OPHN1: variants seen among roughly 807,000 people sequenced by gnomAD.
The protein encoded by OPHN1 is oligophrenin-1.
OPHN1 carries 11 observed loss-of-function variants against 60.7 expected under a neutral mutation model. The ratio of observed to expected loss-of-function variants is 0.18; its 90% confidence interval spans 0.11 to 0.30. The LOEUF is 0.30. Among genes scored for constraint, OPHN1 ranks in the 10% least tolerant of loss-of-function variants. OPHN1 has a pLI of 1.00. For synonymous variants in OPHN1, 226 were observed against 222.6 expected (o/e 1.02, Z -0.14); for missense variants, 449 against 611.0 (o/e 0.73, Z 2.80).
intron 2 of OPHN1, among the ~76,000 whole-genome samples, chrX:68,388,976 A>G (rs1390508630): frequency 9.4e-6 from 1 of 105,960 alleles, no homozygotes; most frequent in East Asian, 3.0e-4. Context: ...TTTTTTTTTG[A>G]GACAGGGTCT....
intron 2 of OPHN1, among the ~76,000 whole-genome samples, chrX:68,352,816 G>GA (rs916658007): frequency 2.7e-5 from 3 of 111,858 alleles, no homozygotes; most frequent in Non-Finnish European, 5.6e-5. Context: ...GGTAAGAAGG[G>GA]AAAAAAGTCA....
At position 68,043,796 on chromosome X, in the gene OPHN1, C is replaced by A. The variant is rs772992924; in HGVS notation, c.*3376G>T. ...CCATCTCTTGATTTTGCTATCACCA[C>A]AGAAAAATTTGTAGAGATTTGACCC... is the stretch of plus-strand genomic sequence containing the variant. On this transcript the variant is annotated 3_prime_UTR_variant, in exon 25 of 25. Transcript: ENST00000355520. 9 of 111,798 alleles carry A rather than the reference C, an allele frequency of 8.1e-5. No individual in the cohort carries two copies. Among genetic ancestry groups the A allele is most frequent in the Non-Finnish European group, 1.5e-4 (8 of 53,227 alleles). 9.2% of individuals were successfully genotyped at this position (111,798 alleles called of 1,213,427 possible).
chrX:68,252,337 T>C (rs2077840170), intron 5 of OPHN1, among the ~76,000 whole-genome samples: 1 of 112,461 alleles, frequency 8.9e-6, no homozygotes, highest in African/African-American at 3.2e-5. Flanking sequence ...TGCAAGGTTT[T>C]CTGGGGTTCT....
At chrX:68,206,416 G>A (rs1014827224) in intron 10 of OPHN1, among the ~76,000 whole-genome samples, 157 bp downstream of exon 10, 6 of 111,675 alleles carry the variant, frequency 5.4e-5, no homozygotes, top group African/African-American at 2.0e-4. Context: ...TCAACTCAGT[G>A]CTATCTGACT....
rs531259236 is a variant in OPHN1 at position 68,309,732 on chromosome X, C to T, written c.155-10636G>A. 2.7e-5 allele frequency among the ~76,000 whole-genome samples: 3 copies of T among 112,175 alleles called. No individual in the cohort carries two copies. In the South Asian group the frequency reaches 1.1e-3, roughly 41 times the overall value. On this transcript the variant is annotated intron_variant, in intron 2 of 24. Coordinates refer to ENST00000355520, the MANE Select transcript of OPHN1 (RefSeq NM_002547.3). ...CTGCCTTCTTGTTTCAGCTCTCATA[C>T]TATAAAACAATTGTCCTTTTCCTGG...
chrX:68,384,086 T>A (rs1226222097), intron 2 of OPHN1, among the ~76,000 whole-genome samples: 1 of 111,903 alleles, frequency 8.9e-6, no homozygotes, highest in African/African-American at 3.2e-5. Context: ...TAATCCGGTA[T>A]GAAATAAGCA....
intron 2 of OPHN1, among the ~76,000 whole-genome samples, chrX:68,339,474 T>G (rs2078340689): frequency 8.9e-6 from 1 of 111,945 alleles, no homozygotes; most frequent in African/African-American, 3.2e-5. Context: ...AATAAAACTA[T>G]TTGTATATGC....
chrX:68,360,764 C>G (rs1342654436), intron 2 of OPHN1, among the ~76,000 whole-genome samples: 1 of 110,840 alleles, frequency 9.0e-6, no homozygotes, highest in Non-Finnish European at 1.9e-5. Context: ...GCCTGGGTGA[C>G]AGAGCAAGAC....
At chrX:68,307,893 C>T (rs1602312942) in intron 2 of OPHN1, among the ~76,000 whole-genome samples, 1 of 111,480 alleles carries the variant, frequency 9.0e-6, no homozygotes, top group African/African-American at 3.3e-5. Flanking sequence ...TAAAAATGCC[C>T]GAGGGATTCC....
intron 15 of OPHN1, among the ~76,000 whole-genome samples, chrX:68,166,813 G>C (rs955719810): frequency 3.6e-5 from 4 of 111,851 alleles, no homozygotes; most frequent in African/African-American, 1.3e-4. Context: ...AACAAATGGT[G>C]CTAGGAAAAC....
intron 2 of OPHN1, among the ~76,000 whole-genome samples, chrX:68,330,078 T>C (rs778453439): frequency 4.1e-4 from 46 of 111,272 alleles, no homozygotes; most frequent in African/African-American, 1.5e-3. Flanking sequence ...TTTCTTTCTT[T>C]TCCTTTCTTC....
chrX:68,388,391 C>T (rs1347930534), intron 2 of OPHN1, among the ~76,000 whole-genome samples: 2 of 103,845 alleles, frequency 1.9e-5, no homozygotes, highest in Non-Finnish European at 3.9e-5. Flanking sequence ...ACCCAGGAGG[C>T]AGAGGTTGCA....
At position 68,328,787 on chromosome X, in the gene OPHN1, A is replaced by C. The variant is rs751384402; in HGVS notation, c.155-29691T>G. ...TACAAAAATAAGCACGTCACAAAAA[A>C]GAAAATATGAATGGCTAATAAACAC... On this transcript the variant is annotated intron_variant, in intron 2 of 24. Transcript: ENST00000355520. Among the ~76,000 whole-genome samples the C allele has an allele frequency of 8.0e-5, 9 of 112,659 alleles. No individual in the cohort carries two copies. The South Asian group carries it at 3.2e-3, about 41-fold the overall frequency.
rs2076928993 is a variant in OPHN1 at position 68,070,437 on chromosome X, G to A, written c.1834+2715C>T. On this transcript the variant is annotated intron_variant, in intron 20 of 24. Coordinates refer to ENST00000355520, the MANE Select transcript of OPHN1 (RefSeq NM_002547.3). The stretch of plus-strand genomic sequence containing the variant: ...CACTAGCTGAATCTTGACATGGAAG[G>A]TTTTAGCTAATGCCAAGTGGAGATG... 6 of 547,937 alleles carry A rather than the reference G, an allele frequency of 1.1e-5. No homozygotes were observed. The South Asian group carries it at 1.5e-4, about 13-fold the overall frequency. 45.2% of individuals were successfully genotyped at this position (547,937 alleles called of 1,213,427 possible).
intron 2 of OPHN1, among the ~76,000 whole-genome samples, chrX:68,359,803 C>A (rs1261031366): frequency 2.2e-5 from 2 of 92,192 alleles, no homozygotes; most frequent in African/African-American, 4.4e-5. Flanking sequence ...TTGCAGTGAA[C>A]GGAGATCGTG....
intron 6 of OPHN1, among the ~76,000 whole-genome samples, chrX:68,217,094 G>A (rs1250360546): frequency 8.9e-6 from 1 of 111,878 alleles, no homozygotes; most frequent in East Asian, 2.9e-4. Flanking sequence ...GCCGAAGCAG[G>A]GCGAGACATT....
At chrX:68,213,087 G>A (rs892579307) in intron 7 of OPHN1, among the ~76,000 whole-genome samples, 9 of 112,050 alleles carry the variant, frequency 8.0e-5, no homozygotes, top group Non-Finnish European at 1.5e-4. Flanking sequence ...CAAATACACG[G>A]GCTGGGTATG....
chrX:68,200,286 T>C (rs1453888407), intron 11 of OPHN1, among the ~76,000 whole-genome samples: 1 of 111,677 alleles, frequency 9.0e-6, no homozygotes, highest in African/African-American at 3.3e-5. Context: ...TGGGTTCTAG[T>C]GTCGAAAATT....
In OPHN1 at chrX:68,043,313, T is replaced by C. The variant is rs1312061710; in HGVS notation, c.*3859A>G. ...GTGCAGCGCACCAGCATGGCACATG[T>C]ATACATATGTAACTAACCTGCACAA... On this transcript the variant is annotated 3_prime_UTR_variant, in exon 25 of 25. Coordinates refer to ENST00000355520, the MANE Select transcript of OPHN1 (RefSeq NM_002547.3). 1 of 82,244 alleles carries C rather than the reference T, an allele frequency of 1.2e-5. No homozygotes were observed. The highest frequency in any genetic ancestry group is 4.9e-5 in the African/African-American group (1 of 20,484). 6.8% of individuals were successfully genotyped at this position (82,244 alleles called of 1,213,427 possible).
Sources: allele counts gnomAD v4.1 joint callset (sites outside exome capture counted in the v4.1 genomes callset), GRCh38; gene constraint gnomAD v4.1.1; transcripts MANE v1.5; gene names NCBI Gene and HGNC (gene_info 2026-07-23, HGNC 2026-07-21).